Variants in PTPRN2 observed in about 807,000 individuals in gnomAD.
PTPRN2 encodes the protein receptor-type tyrosine-protein phosphatase N2.
Under a neutral mutation model 118.8 loss-of-function variants are expected in PTPRN2, and 74 were observed. That is an observed-to-expected ratio of 0.62 (90% CI 0.52 to 0.76). The LOEUF (loss-of-function observed/expected upper bound fraction) is 0.76, where lower values mean the gene tolerates loss of function less well. Ranked by LOEUF, PTPRN2 falls within the 30% of genes least tolerant of loss-of-function variation. The pLI, the probability that PTPRN2 is intolerant of heterozygous loss-of-function variation, is 0.00. For synonymous variants in PTPRN2, 641 were observed against 608.0 expected (o/e 1.05, Z -0.80); for missense variants, 1,481 against 1,394.4 (o/e 1.06, Z -0.99).
At chr7:157,852,151 C>T (rs1212244127) in intron 12 of PTPRN2, among the ~76,000 whole-genome samples, 1 of 152,126 alleles carries the variant, frequency 6.6e-6, no homozygotes, top group Non-Finnish European at 1.5e-5. Flanking sequence ...GCCAACAGAA[C>T]CAAGGAAAGT....
In PTPRN2 at chr7:158,517,248, C is replaced by T. The variant is rs1168039520; in HGVS notation, c.113-27463G>A. 6.6e-6 allele frequency among the ~76,000 whole-genome samples: 1 copy of T among 152,208 alleles called. No individual in the cohort carries two copies. On this transcript the variant is annotated intron_variant, in intron 1 of 22. Transcript: ENST00000389418. This position sits in a 1 kb window ranked among gnomAD's most constrained non-coding sequence, Gnocchi z 5.3. ...TGCCCCACAGGCTTCCTCCTCACTTCGGGGGTGCAAGCCTGCAAGACCAAA... is the reference window on the plus strand; with the variant it reads ...TGCCCCACAGGCTTCCTCCTCACTTTGGGGGTGCAAGCCTGCAAGACCAAA...
chr7:158,304,452 C>T (rs1461687541), intron 3 of PTPRN2, among the ~76,000 whole-genome samples: 7 of 147,264 alleles, frequency 4.8e-5, no homozygotes, highest in African/African-American at 1.7e-4. Flanking sequence ...ATAAGACACC[C>T]GTCAATACAC....
intron 3 of PTPRN2, among the ~76,000 whole-genome samples, chr7:158,213,732 A>T (rs144196922): frequency 2.4e-3 from 368 of 152,314 alleles, no homozygotes; most frequent in Non-Finnish European, 4.4e-3. Context: ...TGTTAGTATA[A>T]TATCTATTAT....
At chr7:157,846,584 T>C (rs1808819549) in intron 12 of PTPRN2, among the ~76,000 whole-genome samples, 1 of 152,224 alleles carries the variant, frequency 6.6e-6, no homozygotes, top group Non-Finnish European at 1.5e-5. Context: ...TGCCTGCTGC[T>C]GTCTGAGAGA....
intron 12 of PTPRN2, among the ~76,000 whole-genome samples, chr7:157,897,756 G>C (rs999155644): frequency 6.6e-6 from 1 of 152,264 alleles, no homozygotes; most frequent in African/African-American, 2.4e-5. Flanking sequence ...GTGAGGACGA[G>C]ATTTCCCCAC....
intron 4 of PTPRN2, among the ~76,000 whole-genome samples, chr7:158,201,351 A>G (rs1458672631): frequency 6.6e-6 from 1 of 152,242 alleles, no homozygotes; most frequent in Non-Finnish European, 1.5e-5. Flanking sequence ...CCCACAAACC[A>G]TAAATTCTCA....
chr7:158,185,373 T>C (rs1227432760), intron 5 of PTPRN2, among the ~76,000 whole-genome samples: 1 of 152,230 alleles, frequency 6.6e-6, no homozygotes, highest in Admixed American at 6.5e-5. Context: ...CTTAGACTGG[T>C]TAATGCTGTG....
chr7:158,341,821 C>T (rs1806879748), intron 2 of PTPRN2, among the ~76,000 whole-genome samples: 1 of 130,128 alleles, frequency 7.7e-6, no homozygotes, highest in African/African-American at 3.2e-5. Flanking sequence ...GAGGTGACAC[C>T]AGCAGACGTC....
At chr7:158,321,608 C>T (rs1803022006) in intron 2 of PTPRN2, among the ~76,000 whole-genome samples, 1 of 152,214 alleles carries the variant, frequency 6.6e-6, no homozygotes, top group Non-Finnish European at 1.5e-5. Context: ...GGGTCCTGCT[C>T]TTCGTCCAGA....
At chr7:158,340,685 A>G (rs372145449) in intron 2 of PTPRN2, among the ~76,000 whole-genome samples, 3 of 87,292 alleles carry the variant, frequency 3.4e-5, no homozygotes, top group African/African-American at 8.4e-5. Flanking sequence ...CACTCTCACC[A>G]TAAGAGGTGA....
chr7:157,542,516 C>T (rs573151486), intron 22 of PTPRN2, among the ~76,000 whole-genome samples: 241 of 149,968 alleles, frequency 1.6e-3, no homozygotes, highest in African/African-American at 6.0e-3. Context: ...AGGGCCAGTG[C>T]TAATCCTGCA....
intron 6 of PTPRN2, among the ~76,000 whole-genome samples, chr7:158,149,030 G>T (rs1469864368): frequency 8.0e-6 from 1 of 124,350 alleles, no homozygotes; most frequent in South Asian, 2.5e-4. Context: ...CACGCCACGT[G>T]TCTTTCCCTC....
intron 3 of PTPRN2, among the ~76,000 whole-genome samples, chr7:158,291,867 A>C (rs1164513158): frequency 1.3e-5 from 2 of 152,242 alleles, no homozygotes; most frequent in Non-Finnish European, 2.9e-5. Context: ...GAGATGAAAG[A>C]GGGAGAGAAA....
At chr7:157,959,644 C>G (rs1801397304) in intron 11 of PTPRN2, among the ~76,000 whole-genome samples, 1 of 152,194 alleles carries the variant, frequency 6.6e-6, no homozygotes, top group African/African-American at 2.4e-5. Flanking sequence ...GATGCCACTT[C>G]ACACTCCTCA....
intron 1 of PTPRN2, among the ~76,000 whole-genome samples, chr7:158,559,853 T>C (rs1258813830): frequency 6.6e-6 from 1 of 152,218 alleles, no homozygotes; most frequent in Non-Finnish European, 1.5e-5. Context: ...CCCACTTACA[T>C]ATTTTTTTAT....
chr7:157,559,613 C>T (rs534841663), intron 21 of PTPRN2, among the ~76,000 whole-genome samples: 1 of 152,306 alleles, frequency 6.6e-6, no homozygotes, highest in Non-Finnish European at 1.5e-5. Context: ...GAAGGAGTGA[C>T]TGCCCGGCAG....
chr7:157,975,400 C>T (rs1055047522), intron 11 of PTPRN2, among the ~76,000 whole-genome samples: 2 of 152,210 alleles, frequency 1.3e-5, no homozygotes, highest in Non-Finnish European at 2.9e-5. Context: ...CCAATCTCCT[C>T]GTCCCTGTGA....
At chr7:158,102,320 C>T (rs979964197) in intron 10 of PTPRN2, among the ~76,000 whole-genome samples, 12 of 152,170 alleles carry the variant, frequency 7.9e-5, no homozygotes, top group Non-Finnish European at 1.5e-4. Flanking sequence ...CGAGCTGGCC[C>T]GAGGATGCTT....
intron 11 of PTPRN2, among the ~76,000 whole-genome samples, chr7:158,049,588 C>A (rs1044770875): frequency 6.6e-6 from 1 of 152,186 alleles, no homozygotes; most frequent in Non-Finnish European, 1.5e-5. Context: ...CACAGCTGAT[C>A]CCACATGGTC....
Sources: gnomAD v4.1 joint callset for allele counts (sites outside exome capture counted in the v4.1 genomes callset) on GRCh38, gnomAD v4.1.1 for gene constraint, Gnocchi (gnomAD v3.1) non-coding constraint, MANE v1.5 for transcripts, NCBI Gene and HGNC (gene_info 2026-07-23, HGNC 2026-07-21) for gene names.